KCNIP4: variants seen among roughly 807,000 people sequenced by gnomAD.
KCNIP4 encodes potassium voltage-gated channel interacting protein 4.
Under a neutral mutation model 34.0 loss-of-function variants are expected in KCNIP4, and 12 were observed. That is an observed-to-expected ratio of 0.35 (90% CI 0.23 to 0.57). KCNIP4 has a LOEUF of 0.57. KCNIP4 is among the 20% of genes least tolerant of loss of function. The probability of loss-of-function intolerance (pLI) is 0.83; values close to 1 mark genes in which losing one functional copy is unlikely to be tolerated. For synonymous variants in KCNIP4, 124 were observed against 102.2 expected (o/e 1.21, Z -1.29); for missense variants, 238 against 311.7 (o/e 0.76, Z 1.78).
chr4:21,542,218 T>A (rs1737767084), intron 1 of KCNIP4, among the ~76,000 whole-genome samples: 1 of 152,118 alleles, frequency 6.6e-6, no homozygotes, highest in Non-Finnish European at 1.5e-5. Flanking sequence ...TCATCTAGTG[T>A]CATAATTCAA....
rs900686450 is a variant in KCNIP4 at position 21,399,549 on chromosome 4, T to C, written c.62-516840A>G. Among the ~76,000 whole-genome samples, 3 of 152,216 alleles carry C rather than the reference T, an allele frequency of 2.0e-5. No homozygotes were observed. The East Asian group carries it at 5.8e-4, about 29-fold the overall frequency. ...AAATTGTGGGTTTATTTTTTGTTTT[T>C]GTTGAAGCCAGTTTGAACTGGCTTT... On this transcript the variant is annotated intron_variant, in intron 1 of 8. Transcript: ENST00000382152.
intron 1 of KCNIP4, among the ~76,000 whole-genome samples, chr4:21,651,566 C>T (rs962627539): frequency 6.6e-6 from 1 of 152,222 alleles, no homozygotes; most frequent in African/African-American, 2.4e-5. Flanking sequence ...AAGCTGATGT[C>T]TACCAACCCT....
chr4:21,000,458 G>T (rs1261178719), intron 1 of KCNIP4, among the ~76,000 whole-genome samples: 1 of 152,138 alleles, frequency 6.6e-6, no homozygotes, highest in Non-Finnish European at 1.5e-5. Flanking sequence ...GCCGAGGCAG[G>T]CAGATCACAT....
chr4:21,101,606 T>C (rs955433518), intron 1 of KCNIP4, among the ~76,000 whole-genome samples: 6 of 152,128 alleles, frequency 3.9e-5, no homozygotes, highest in Non-Finnish European at 8.8e-5. Flanking sequence ...AGAGTGTCAA[T>C]GGGAGTGACT....
chr4:21,203,450 C>G (rs569092106), intron 1 of KCNIP4, among the ~76,000 whole-genome samples: 19 of 152,322 alleles, frequency 1.2e-4, no homozygotes, highest in African/African-American at 4.6e-4. Flanking sequence ...TCGTAATCTA[C>G]AAGGCAACCT....
At chr4:21,862,450 C>T (rs1725131372) in intron 1 of KCNIP4, among the ~76,000 whole-genome samples, 1 of 152,066 alleles carries the variant, frequency 6.6e-6, no homozygotes, top group Non-Finnish European at 1.5e-5. Flanking sequence ...AAGTAAAATA[C>T]AATCAAATGA....
intron 1 of KCNIP4, among the ~76,000 whole-genome samples, chr4:21,754,254 A>G (rs1431190991): frequency 2.6e-5 from 4 of 151,922 alleles, no homozygotes; most frequent in African/African-American, 9.7e-5. Context: ...TCCATCTCCA[A>G]CTACCACCAC....
intron 1 of KCNIP4, among the ~76,000 whole-genome samples, chr4:21,041,230 TCACA>T (rs57664737): frequency 0.016 from 2,357 of 144,686 alleles, 26 homozygotes; most frequent in African/African-American, 0.043. Context: ...GATATATATT[TCACA>T]CACACACACA....
At chr4:21,007,507 A>G (rs1021364969) in intron 1 of KCNIP4, among the ~76,000 whole-genome samples, 3 of 152,084 alleles carry the variant, frequency 2.0e-5, no homozygotes, top group African/African-American at 4.8e-5. Context: ...ATTCTTTCCA[A>G]GTTTTTTTGT....
At chr4:21,240,319 A>C (rs896285025) in intron 1 of KCNIP4, among the ~76,000 whole-genome samples, 1 of 138,824 alleles carries the variant, frequency 7.2e-6, no homozygotes, top group African/African-American at 3.3e-5. Flanking sequence ...GCACATGTAT[A>C]CATATGTAAC....
chr4:21,619,848 T>C (rs1294337793), intron 1 of KCNIP4, among the ~76,000 whole-genome samples: 1 of 152,214 alleles, frequency 6.6e-6, no homozygotes, highest in Non-Finnish European at 1.5e-5. Context: ...TTAAAAATCA[T>C]AAGTGCTTTA....
chr4:21,821,281 A>G (rs1722338231), intron 1 of KCNIP4, among the ~76,000 whole-genome samples: 2 of 152,128 alleles, frequency 1.3e-5, no homozygotes, highest in Non-Finnish European at 2.9e-5. Flanking sequence ...ACACCTTTCA[A>G]TTCCAATCTC....
intron 1 of KCNIP4, among the ~76,000 whole-genome samples, chr4:21,068,425 C>T (rs531355124): frequency 8.5e-5 from 13 of 152,158 alleles, no homozygotes; most frequent in African/African-American, 2.7e-4. Flanking sequence ...AACTCCATAC[C>T]CTATGTGGTC....
chr4:21,818,214 A>C (rs967172813), intron 1 of KCNIP4, among the ~76,000 whole-genome samples: 1 of 152,196 alleles, frequency 6.6e-6, no homozygotes, highest in Admixed American at 6.5e-5. Context: ...TGGAAAATAG[A>C]AAGAACCTAC....
rs372708232 is a variant in KCNIP4, at chr4:21,146,815, TA to T, written c.62-264107del. On this transcript the variant is annotated intron_variant, in intron 1 of 8. Coordinates refer to ENST00000382152, the MANE Select transcript of KCNIP4 (RefSeq NM_025221.6). ...AATAAATTAGGAAATGATTCAATAC[TA>T]AGCATAATTGAAGTCATAGAAAAGC... 1.4e-4 allele frequency among the ~76,000 whole-genome samples: 22 copies of T among 152,350 alleles called. No individual in the cohort carries two copies. In the East Asian group the frequency reaches 3.9e-3, roughly 27 times the overall value.
chr4:21,759,760 C>G (rs1000383331), intron 1 of KCNIP4, among the ~76,000 whole-genome samples: 1 of 152,010 alleles, frequency 6.6e-6, no homozygotes. Context: ...TGACAACCTA[C>G]GTTCCAAAAT....
intron 1 of KCNIP4, among the ~76,000 whole-genome samples, chr4:21,696,144 C>T (rs1488338826): frequency 6.6e-6 from 1 of 152,104 alleles, no homozygotes; most frequent in East Asian, 1.9e-4. Flanking sequence ...TGTTAACAAT[C>T]CTCTTAATAT....
At chr4:21,722,424 G>C (rs1180724723) in intron 1 of KCNIP4, among the ~76,000 whole-genome samples, 2 of 152,076 alleles carry the variant, frequency 1.3e-5, no homozygotes, top group African/African-American at 2.4e-5. Flanking sequence ...CACTGGGTAG[G>C]AGAGAAAACA....
intron 1 of KCNIP4, among the ~76,000 whole-genome samples, chr4:21,393,719 A>T (rs534264650): frequency 6.6e-6 from 1 of 152,262 alleles, no homozygotes; most frequent in East Asian, 1.9e-4. Flanking sequence ...GAATCACACT[A>T]TGATGTTATC....
Sources: gnomAD v4.1 joint callset for allele counts (sites outside exome capture counted in the v4.1 genomes callset) on GRCh38, gnomAD v4.1.1 for gene constraint, MANE v1.5 for transcripts, NCBI Gene and HGNC (gene_info 2026-07-23, HGNC 2026-07-21) for gene names.